Variants in CBFA2T2 observed in about 807,000 individuals in gnomAD.
CBFA2T2 encodes protein CBFA2T2.
A neutral mutation model predicts 62.2 loss-of-function variants in CBFA2T2; 11 were observed. The observed-to-expected ratio is 0.18, with a 90% CI of 0.11 to 0.29. The LOEUF is 0.29. CBFA2T2 is among the 10% of genes least tolerant of loss of function. The pLI, the probability that CBFA2T2 is intolerant of heterozygous loss-of-function variation, is 1.00. For synonymous variants in CBFA2T2, 295 were observed against 287.5 expected (o/e 1.03, Z -0.27); for missense variants, 592 against 774.1 (o/e 0.76, Z 2.79).
chr20:33,621,400 G>T (rs778801790), intron 4 of CBFA2T2, among the ~76,000 whole-genome samples: 1 of 146,282 alleles, frequency 6.8e-6, no homozygotes, highest in African/African-American at 2.6e-5. Flanking sequence ...GAGTTCAAGC[G>T]ATTCTTCTGC....
chr20:33,513,753 G>A (rs929455621), intron 1 of CBFA2T2, among the ~76,000 whole-genome samples: 1 of 144,456 alleles, frequency 6.9e-6, no homozygotes, highest in Non-Finnish European at 1.5e-5. Context: ...GGAAGAGATT[G>A]CAGTGAGCCA....
At chr20:33,577,617 A>G (rs986398694) in intron 1 of CBFA2T2, among the ~76,000 whole-genome samples, 7 of 152,178 alleles carry the variant, frequency 4.6e-5, no homozygotes, top group East Asian at 1.9e-4. Context: ...ACTGTAATCA[A>G]TGTGTTTTAT....
intron 1 of CBFA2T2, among the ~76,000 whole-genome samples, chr20:33,525,740 C>T (rs2011869352): frequency 6.6e-6 from 1 of 152,160 alleles, no homozygotes; most frequent in Non-Finnish European, 1.5e-5. Flanking sequence ...CAGCCTCGAC[C>T]ACCTGGGCTC....
intron 1 of CBFA2T2, among the ~76,000 whole-genome samples, chr20:33,575,388 A>G (rs947959536): frequency 2.0e-5 from 3 of 152,238 alleles, no homozygotes. Context: ...TTTTCACATC[A>G]TAGCATACAT....
At chr20:33,585,738 A>T (rs560755711) in intron 1 of CBFA2T2, among the ~76,000 whole-genome samples, 9 of 152,340 alleles carry the variant, frequency 5.9e-5, no homozygotes, top group African/African-American at 2.2e-4. Context: ...TAGTAATTGG[A>T]TACTGGAACT....
intron 1 of CBFA2T2, among the ~76,000 whole-genome samples, chr20:33,581,889 A>G (rs563246892): frequency 6.6e-6 from 1 of 152,286 alleles, no homozygotes; most frequent in African/African-American, 2.4e-5. Context: ...GCTGGCAGAA[A>G]CATAAGTGTG....
chr20:33,618,225 T>G (rs1057304608), intron 3 of CBFA2T2, among the ~76,000 whole-genome samples: 66 of 152,022 alleles, frequency 4.3e-4, no homozygotes, highest in African/African-American at 1.6e-3. Context: ...GGGGGTAAGT[T>G]GCATGTTACA....
At chr20:33,596,648 C>T (rs974958668) in intron 1 of CBFA2T2, among the ~76,000 whole-genome samples, 1 of 152,136 alleles carries the variant, frequency 6.6e-6, no homozygotes. Context: ...GATACCTGTT[C>T]TCAGGCTTTC....
intron 8 of CBFA2T2, among the ~76,000 whole-genome samples, chr20:33,632,471 CTTTTT>C (rs60957531): frequency 1.5e-5 from 2 of 137,870 alleles, no homozygotes; most frequent in African/African-American, 5.3e-5. Flanking sequence ...TCACCAATGA[CTTTTT>C]TTTTTTTTTT....
chr20:33,569,956 G>T (rs1199611376), intron 1 of CBFA2T2, among the ~76,000 whole-genome samples: 1 of 152,140 alleles, frequency 6.6e-6, no homozygotes. Flanking sequence ...GTACTCAGAA[G>T]CCTGAGGCAA....
In CBFA2T2 at chr20:33,598,978, C is replaced by T. The variant is rs745995198; in HGVS notation, c.35-7978C>T. On this transcript the variant is annotated intron_variant, in intron 1 of 10. Transcript: ENST00000342704. ...AAGTCAGTAAACTGTGGCCCACTGTCGGCCAGGCATGGTGGCTTACGCCTG... is the reference window on the plus strand; with the variant it reads ...AAGTCAGTAAACTGTGGCCCACTGTTGGCCAGGCATGGTGGCTTACGCCTG... 5.3e-5 allele frequency among the ~76,000 whole-genome samples: 8 copies of T among 152,062 alleles called. No homozygotes were observed. In the South Asian group the frequency reaches 8.3e-4, roughly 16 times the overall value.
At chr20:33,501,814 A>G (rs929549732) in intron 1 of CBFA2T2, among the ~76,000 whole-genome samples, 2 of 150,668 alleles carry the variant, frequency 1.3e-5, no homozygotes, top group African/African-American at 2.4e-5. Flanking sequence ...TAATTTTTGT[A>G]TTTTTAGTAG....
chr20:33,542,948 G>A (rs1030839398), intron 1 of CBFA2T2, among the ~76,000 whole-genome samples: 2 of 152,014 alleles, frequency 1.3e-5, no homozygotes, highest in African/African-American at 4.8e-5. Flanking sequence ...TTACAGGCTT[G>A]AACCACCATG....
At chr20:33,600,378 G>C (rs1010038165) in intron 1 of CBFA2T2, 20 of 287,774 alleles carry the variant, frequency 6.9e-5, no homozygotes, top group Non-Finnish European at 1.3e-4. Context: ...AGTAGAGATG[G>C]GGTTTCACCA....
intron 1 of CBFA2T2, among the ~76,000 whole-genome samples, chr20:33,582,483 T>C (rs2014164038): frequency 6.7e-6 from 1 of 148,888 alleles, no homozygotes; most frequent in African/African-American, 2.5e-5. Flanking sequence ...AGCGAAACTC[T>C]ATCTCAAAAA....
intron 1 of CBFA2T2, among the ~76,000 whole-genome samples, chr20:33,535,635 G>T (rs1449178513): frequency 2.5e-4 from 35 of 139,166 alleles, no homozygotes; most frequent in African/African-American, 7.6e-4. Flanking sequence ...TTTTTTTTTT[G>T]ACCTTTTAAA....
In CBFA2T2 at chr20:33,628,447, G is replaced by T; in HGVS notation, c.1032+12G>T. The T allele has an allele frequency of 1.3e-6, 2 of 1,578,950 alleles. No individual in the cohort carries two copies. The highest frequency in any genetic ancestry group is 1.7e-6 in the Non-Finnish European group (2 of 1,147,884). On this transcript the variant is annotated intron_variant, in intron 7 of 10. Transcript: ENST00000342704. ...AACATCTTGACCATGTAAGAATCTTGTAGTGTGTAATGTCCCTAACTCTTT... is the reference window on the plus strand; with the variant it reads ...AACATCTTGACCATGTAAGAATCTTTTAGTGTGTAATGTCCCTAACTCTTT...
At chr20:33,568,863 A>G (rs1177732709) in intron 1 of CBFA2T2, among the ~76,000 whole-genome samples, 1 of 152,186 alleles carries the variant, frequency 6.6e-6, no homozygotes, top group Non-Finnish European at 1.5e-5. Context: ...CCTGAAATCT[A>G]TTAGACCCCC....
chr20:33,523,665 C>A (rs1320515066), intron 1 of CBFA2T2, among the ~76,000 whole-genome samples: 1 of 151,624 alleles, frequency 6.6e-6, no homozygotes, highest in Non-Finnish European at 1.5e-5. Flanking sequence ...CTAATTTATT[C>A]CCTATGTGTT....
Sources: gnomAD v4.1 joint callset for allele counts (sites outside exome capture counted in the v4.1 genomes callset) on GRCh38, gnomAD v4.1.1 for gene constraint, MANE v1.5 for transcripts, NCBI Gene and HGNC (gene_info 2026-07-23, HGNC 2026-07-21) for gene names.